Variants in CADM2 observed in about 807,000 individuals in gnomAD.
The protein encoded by CADM2 is cell adhesion molecule 2.
In CADM2, 12 loss-of-function variants were observed where a neutral mutation model predicts 49.8. The observed-to-expected ratio is 0.24, with a 90% confidence interval of 0.15 to 0.39. The LOEUF (loss-of-function observed/expected upper bound fraction) is 0.39, where lower values mean the gene tolerates loss of function less well. Ranked by LOEUF, CADM2 falls within the 10% of genes least tolerant of loss-of-function variation. CADM2 has a pLI of 1.00. For synonymous variants in CADM2, 214 were observed against 175.4 expected, an observed-to-expected ratio of 1.22 and a Z score of -1.74; for missense variants, 378 against 492.3, an observed-to-expected ratio of 0.77 and a Z score of 2.20.
At chr3:85,666,707 C>T (rs1193009493) in intron 1 of CADM2, among the ~76,000 whole-genome samples, 5 of 73,346 alleles carry the variant, frequency 6.8e-5, no homozygotes, top group South Asian at 5.4e-4. Context: ...ATTTTTCTTC[C>T]TTCGATATGG....
chr3:85,746,933 A>G (rs1254203593), intron 2 of CADM2, among the ~76,000 whole-genome samples: 1 of 152,168 alleles, frequency 6.6e-6, no homozygotes, highest in African/African-American at 2.4e-5. Context: ...AAGCTAGGAA[A>G]GAGTTCGTTT....
At chr3:85,528,801 GTGT>G (rs1286843242) in intron 1 of CADM2, among the ~76,000 whole-genome samples, 1 of 152,154 alleles carries the variant, frequency 6.6e-6, no homozygotes, top group Non-Finnish European at 1.5e-5. Context: ...GTCACTACTA[GTGT>G]TGTTTATTTC....
intron 1 of CADM2, among the ~76,000 whole-genome samples, chr3:85,370,339 T>C (rs2033134411): frequency 6.6e-6 from 1 of 151,578 alleles, no homozygotes; most frequent in Non-Finnish European, 1.5e-5. Flanking sequence ...GGAGAATTGC[T>C]TGACCGCGGG....
At chr3:85,409,870 A>C (rs1369578918) in intron 1 of CADM2, among the ~76,000 whole-genome samples, 3 of 152,144 alleles carry the variant, frequency 2.0e-5, no homozygotes, top group African/African-American at 7.2e-5. Flanking sequence ...CAGGAAAAAA[A>C]CTCAAAATCA....
chr3:85,888,457 C>A (rs538256641), intron 5 of CADM2, among the ~76,000 whole-genome samples: 1 of 152,192 alleles, frequency 6.6e-6, no homozygotes, highest in East Asian at 1.9e-4. Flanking sequence ...AAGATCAGAA[C>A]AACAATGAAG....
intron 1 of CADM2, among the ~76,000 whole-genome samples, chr3:85,613,335 GA>G (rs1159362198): frequency 1.3e-5 from 2 of 151,540 alleles, no homozygotes; most frequent in East Asian, 3.9e-4. Context: ...TTTAATAAAT[GA>G]AATGTTATTG....
chr3:85,874,167 T>G (rs2108362034), intron 3 of CADM2, among the ~76,000 whole-genome samples: 1 of 152,312 alleles, frequency 6.6e-6, no homozygotes, highest in Non-Finnish European at 1.5e-5. Context: ...ATTAAATAAT[T>G]ATGTTATTAC....
intron 7 of CADM2, among the ~76,000 whole-genome samples, chr3:85,940,634 A>G (rs1228249489): frequency 1.3e-5 from 2 of 152,142 alleles, no homozygotes; most frequent in Non-Finnish European, 2.9e-5. Flanking sequence ...CTCTCCTGCT[A>G]TATAGAAAAC....
chr3:85,433,041 A>G lies in CADM2; in HGVS notation c.62-293481A>G, dbSNP rs987592676. 5.9e-5 allele frequency among the ~76,000 whole-genome samples: 9 copies of G among 152,126 alleles called. No homozygotes were observed. The South Asian group carries it at 1.2e-3, about 21-fold the overall frequency. On this transcript the variant is annotated intron_variant, in intron 1 of 9. Transcript: ENST00000383699. Reference sequence around the variant, plus strand: ...TTTGTGGTACATTTCATGCTATTTAATTAGAAGTATGAAGTATTTAAGAAT... The same window carrying G: ...TTTGTGGTACATTTCATGCTATTTAGTTAGAAGTATGAAGTATTTAAGAAT...
chr3:85,893,909 C>T (rs1714833234), intron 5 of CADM2, among the ~76,000 whole-genome samples: 2 of 152,242 alleles, frequency 1.3e-5, no homozygotes, highest in Non-Finnish European at 2.9e-5. Context: ...GGACTGTAAA[C>T]GAATTCAACC....
chr3:85,770,577 C>A (rs1260699414), intron 2 of CADM2, among the ~76,000 whole-genome samples: 1 of 152,064 alleles, frequency 6.6e-6, no homozygotes, highest in East Asian at 1.9e-4. Flanking sequence ...TCTCTGCCTT[C>A]CAAAGTGCCA....
chr3:86,064,721 T>A (rs997540491), intron 8 of CADM2, among the ~76,000 whole-genome samples: 1 of 152,198 alleles, frequency 6.6e-6, no homozygotes, highest in African/African-American at 2.4e-5. Context: ...TCACACCAGT[T>A]AGAATGGCGA....
intron 1 of CADM2, among the ~76,000 whole-genome samples, chr3:85,364,793 C>T (rs1233511029): frequency 6.6e-6 from 1 of 152,090 alleles, no homozygotes; most frequent in East Asian, 1.9e-4. Context: ...GATGCAATAA[C>T]TTCGGTCAGG....
chr3:85,375,799 C>T (rs954036046), intron 1 of CADM2, among the ~76,000 whole-genome samples: 3 of 152,232 alleles, frequency 2.0e-5, no homozygotes, highest in Middle Eastern at 3.4e-3. Flanking sequence ...TTATTAGCCC[C>T]TTCCCACTAT....
At chr3:85,069,447 TA>T (rs1183718623) in intron 1 of CADM2, among the ~76,000 whole-genome samples, 15 of 152,156 alleles carry the variant, frequency 9.9e-5, no homozygotes, top group Non-Finnish European at 1.6e-4. Flanking sequence ...CCTTAAGTAT[TA>T]ATAACCAATT....
At chr3:85,527,872 GAGT>G (rs1169806838) in intron 1 of CADM2, among the ~76,000 whole-genome samples, 2 of 152,140 alleles carry the variant, frequency 1.3e-5, no homozygotes, top group Non-Finnish European at 2.9e-5. Context: ...TTTCTCCAAA[GAGT>G]AGTATTTTAT....
At chr3:85,397,119 A>G (rs2034830736) in intron 1 of CADM2, among the ~76,000 whole-genome samples, 1 of 152,180 alleles carries the variant, frequency 6.6e-6, no homozygotes, top group South Asian at 2.1e-4. Flanking sequence ...ATTTCTGTAA[A>G]GAAGATAAAC....
chr3:85,879,390 A>C (rs886619418), intron 3 of CADM2, among the ~76,000 whole-genome samples: 1 of 152,148 alleles, frequency 6.6e-6, no homozygotes, highest in Non-Finnish European at 1.5e-5. Flanking sequence ...GAATGACAGC[A>C]AAGGGGATAC....
At chr3:85,556,933 T>G (rs2061974643) in intron 1 of CADM2, among the ~76,000 whole-genome samples, 1 of 152,110 alleles carries the variant, frequency 6.6e-6, no homozygotes, top group Non-Finnish European at 1.5e-5. Context: ...TGAACAAATT[T>G]GAAAAGTATT....
Sources: allele counts gnomAD v4.1 joint callset (sites outside exome capture counted in the v4.1 genomes callset), GRCh38; gene constraint gnomAD v4.1.1; transcripts MANE v1.5; gene names NCBI Gene and HGNC (gene_info 2026-07-23, HGNC 2026-07-21).